Variants in PTPRD observed in about 807,000 individuals in gnomAD.
PTPRD encodes receptor-type tyrosine-protein phosphatase delta.
In PTPRD, 34 loss-of-function variants were observed where a neutral mutation model predicts 214.5. The ratio of observed to expected loss-of-function variants is 0.16; its 90% confidence interval spans 0.12 to 0.21. PTPRD has a LOEUF of 0.21. Among genes scored for constraint, PTPRD ranks in the 10% least tolerant of loss-of-function variants. The pLI, the probability that PTPRD is intolerant of heterozygous loss-of-function variation, is 1.00. For missense variants in PTPRD, 2,545 were observed against 2,398.7 expected (o/e 1.06, Z -1.27); for synonymous variants, 1,128 against 845.7 (o/e 1.33, Z -5.79).
intron 5 of PTPRD, among the ~76,000 whole-genome samples, chr9:9,789,769 C>A (rs867704671): frequency 8.0e-6 from 1 of 124,314 alleles, no homozygotes; most frequent in African/African-American, 3.1e-5. Flanking sequence ...TGCACTCCAG[C>A]CTGGGCAACA....
At chr9:9,542,801 A>C (rs758602014) in intron 8 of PTPRD, among the ~76,000 whole-genome samples, 2 of 151,680 alleles carry the variant, frequency 1.3e-5, no homozygotes, top group Non-Finnish European at 3.0e-5. Flanking sequence ...TCAACAATAC[A>C]ATTCCTAGTG....
In PTPRD at chr9:8,845,667, T is replaced by C. The variant is rs557890254; in HGVS notation, c.-103-111721A>G. ...ATCCTAGTGTCTAAGTAACACTGGG[T>C]TTCAGAAAATGTCCACAGCTCAACA... On this transcript the variant is annotated intron_variant, in intron 11 of 45. Transcript: ENST00000381196. Among the ~76,000 whole-genome samples, 18 of 152,298 alleles carry C rather than the reference T, an allele frequency of 1.2e-4. No individual in the cohort carries two copies. In the East Asian group the frequency reaches 3.5e-3, roughly 29 times the overall value.
intron 11 of PTPRD, among the ~76,000 whole-genome samples, chr9:8,849,461 C>T (rs2097771024): frequency 6.6e-6 from 1 of 152,114 alleles, no homozygotes; most frequent in Admixed American, 6.5e-5. Context: ...CTCCTGACCT[C>T]GTGATCCACC....
chr9:10,017,493 T>C (rs992884154), intron 4 of PTPRD, among the ~76,000 whole-genome samples: 1 of 152,126 alleles, frequency 6.6e-6, no homozygotes, highest in Non-Finnish European at 1.5e-5. Flanking sequence ...GCAAAGCTTG[T>C]CTTAGAATCC....
intron 2 of PTPRD, among the ~76,000 whole-genome samples, chr9:10,563,654 T>G (rs1445687199): frequency 4.1e-5 from 6 of 146,426 alleles, no homozygotes. Context: ...TGTTGTTGTT[T>G]TGTTGTTATC....
At chr9:9,991,186 G>A (rs770524051) in intron 4 of PTPRD, among the ~76,000 whole-genome samples, 2 of 151,818 alleles carry the variant, frequency 1.3e-5, no homozygotes, top group African/African-American at 4.8e-5. Context: ...TGTCTGCTTC[G>A]GCCTCCCAAA....
intron 10 of PTPRD, among the ~76,000 whole-genome samples, chr9:9,139,854 C>T (rs1366704774): frequency 1.3e-5 from 2 of 151,996 alleles, no homozygotes; most frequent in African/African-American, 4.8e-5. Flanking sequence ...CTATTCTACC[C>T]TTAGGGAGAT....
intron 8 of PTPRD, among the ~76,000 whole-genome samples, chr9:9,469,159 A>G (rs2094423205): frequency 6.6e-6 from 1 of 152,150 alleles, no homozygotes; most frequent in South Asian, 2.1e-4. Flanking sequence ...TCTCATTAAC[A>G]TCCTAAAATA....
At chr9:10,225,572 G>C (rs1166523384) in intron 3 of PTPRD, among the ~76,000 whole-genome samples, 2 of 152,140 alleles carry the variant, frequency 1.3e-5, no homozygotes, top group East Asian at 3.9e-4. Context: ...AGCTGCTGTG[G>C]TGTGCTGCCT....
At chr9:9,126,516 T>G (rs1245398006) in intron 10 of PTPRD, among the ~76,000 whole-genome samples, 2 of 152,208 alleles carry the variant, frequency 1.3e-5, no homozygotes, top group Non-Finnish European at 2.9e-5. Context: ...GCATACTTAT[T>G]GTCACAAAAA....
At chr9:9,515,215 T>C (rs2096805324) in intron 8 of PTPRD, among the ~76,000 whole-genome samples, 1 of 152,132 alleles carries the variant, frequency 6.6e-6, no homozygotes, top group African/African-American at 2.4e-5. Flanking sequence ...GCCTGTAGCT[T>C]GTATGAGTGT....
chr9:9,335,717 G>A (rs1402901968), intron 9 of PTPRD, among the ~76,000 whole-genome samples: 1 of 151,864 alleles, frequency 6.6e-6, no homozygotes, highest in African/African-American at 2.4e-5. Context: ...TTTGGCCCAA[G>A]AAGCATAGAA....
intron 21 of PTPRD, among the ~76,000 whole-genome samples, chr9:8,516,798 C>CTTTTTT (rs71500960): frequency 5.2e-4 from 56 of 107,924 alleles, no homozygotes; most frequent in Non-Finnish European, 7.6e-4. Context: ...CAAGAATAAA[C>CTTTTTT]TTTTTTTTTT....
At chr9:9,679,751 G>T (rs1457731244) in intron 7 of PTPRD, among the ~76,000 whole-genome samples, 2 of 151,820 alleles carry the variant, frequency 1.3e-5, no homozygotes, top group Non-Finnish European at 2.9e-5. Context: ...CCAAAATCAT[G>T]AAGGCCTGAT....
intron 5 of PTPRD, among the ~76,000 whole-genome samples, chr9:9,867,720 GT>G (rs1466976105): frequency 6.6e-6 from 1 of 152,050 alleles, no homozygotes; most frequent in East Asian, 1.9e-4. Flanking sequence ...CAAACCTATT[GT>G]TTTCTCTTAG....
At chr9:10,000,288 A>G (rs1348137080) in intron 4 of PTPRD, among the ~76,000 whole-genome samples, 3 of 152,216 alleles carry the variant, frequency 2.0e-5, no homozygotes, top group South Asian at 4.1e-4. Context: ...GTTATAGTCT[A>G]TAGGACCCCC....
At chr9:10,160,881 CGGAAT>C (rs2099123461) in intron 3 of PTPRD, among the ~76,000 whole-genome samples, 1 of 151,782 alleles carries the variant, frequency 6.6e-6, no homozygotes, top group African/African-American at 2.4e-5. Context: ...TTGGAAGATA[CGGAAT>C]CAACATCCAA....
intron 3 of PTPRD, among the ~76,000 whole-genome samples, chr9:10,075,288 C>T (rs2098115289): frequency 6.6e-6 from 1 of 151,946 alleles, no homozygotes. Flanking sequence ...AAACTTAGTA[C>T]ATTATTTGAC....
intron 2 of PTPRD, among the ~76,000 whole-genome samples, chr9:10,349,521 C>G (rs1247232710): frequency 6.6e-6 from 1 of 151,992 alleles, no homozygotes; most frequent in African/African-American, 2.4e-5. Context: ...ATACATAAAC[C>G]TCTCTATTTG....
Sources: gnomAD v4.1 joint callset for allele counts (sites outside exome capture counted in the v4.1 genomes callset) on GRCh38, gnomAD v4.1.1 for gene constraint, MANE v1.5 for transcripts, NCBI Gene and HGNC (gene_info 2026-07-23, HGNC 2026-07-21) for gene names.